Variants in KCNB2 observed in about 807,000 individuals in gnomAD.
KCNB2 encodes delayed rectifier potassium channel protein.
A neutral mutation model predicts 61.5 loss-of-function variants in KCNB2; 15 were observed. The ratio of observed to expected loss-of-function variants is 0.24; its 90% CI spans 0.16 to 0.38. The LOEUF (loss-of-function observed/expected upper bound fraction) is 0.38, where lower values mean the gene tolerates loss of function less well. KCNB2 is among the 10% of genes least tolerant of loss of function. KCNB2 has a pLI of 1.00. For synonymous variants in KCNB2, 457 were observed against 446.0 expected, an observed-to-expected ratio of 1.02 and a Z score of -0.31; for missense variants, 828 against 1,125.2, an observed-to-expected ratio of 0.74 and a Z score of 3.78.
chr8:72,893,635 CT>C (rs35594646), intron 2 of KCNB2, among the ~76,000 whole-genome samples: 2 of 152,246 alleles, frequency 1.3e-5, no homozygotes, highest in East Asian at 1.9e-4. Context: ...ATTATCCCAT[CT>C]TTTTTTGGCC....
chr8:72,561,743 ATATG>A (rs1167822134), intron 1 of KCNB2, among the ~76,000 whole-genome samples: 996 of 27,720 alleles, frequency 0.036, 112 homozygotes, highest in Non-Finnish European at 0.041. Flanking sequence ...ATCTATATAT[ATATG>A]TATATATATA....
At chr8:72,726,937 G>A (rs1482550942) in intron 2 of KCNB2, among the ~76,000 whole-genome samples, 3 of 152,138 alleles carry the variant, frequency 2.0e-5, no homozygotes, top group African/African-American at 7.2e-5. Flanking sequence ...TGTACTAAGA[G>A]ACAGAGTTCA....
intron 2 of KCNB2, among the ~76,000 whole-genome samples, chr8:72,642,316 C>T (rs1806067909): frequency 6.6e-6 from 1 of 152,028 alleles, no homozygotes; most frequent in Non-Finnish European, 1.5e-5. Context: ...TGTTATTACA[C>T]TTTATTTTAC....
At chr8:72,742,238 A>G (rs1807972133) in intron 2 of KCNB2, among the ~76,000 whole-genome samples, 1 of 152,186 alleles carries the variant, frequency 6.6e-6, no homozygotes, top group South Asian at 2.1e-4. Context: ...TTGATCTTTG[A>G]ATCCCATTCT....
At chr8:72,778,787 GAAAAGA>G (rs1164684481) in intron 2 of KCNB2, among the ~76,000 whole-genome samples, 8 of 66,966 alleles carry the variant, frequency 1.2e-4, no homozygotes, top group African/African-American at 2.9e-4. Flanking sequence ...AAAAAGAAAA[GAAAAGA>G]AAAAGAAAAA....
At chr8:72,869,564 A>G (rs1585944000) in intron 2 of KCNB2, among the ~76,000 whole-genome samples, 2 of 147,208 alleles carry the variant, frequency 1.4e-5, no homozygotes, top group South Asian at 4.3e-4. Flanking sequence ...AGTTCTCCAA[A>G]GAAGACACAC....
intron 2 of KCNB2, among the ~76,000 whole-genome samples, chr8:72,603,969 G>A (rs1009537105): frequency 3.3e-5 from 5 of 152,154 alleles, no homozygotes; most frequent in African/African-American, 9.6e-5. Context: ...TTTTCCCCCC[G>A]AGCTTTCAGA....
At chr8:72,833,595 T>C (rs1194232954) in intron 2 of KCNB2, among the ~76,000 whole-genome samples, 1 of 151,772 alleles carries the variant, frequency 6.6e-6, no homozygotes, top group Non-Finnish European at 1.5e-5. Flanking sequence ...GCCTAGGGGG[T>C]GAGGAATTCT....
intron 1 of KCNB2, among the ~76,000 whole-genome samples, chr8:72,567,020 A>T (rs1170353367): frequency 6.6e-6 from 1 of 152,034 alleles, no homozygotes; most frequent in Non-Finnish European, 1.5e-5. Context: ...TCTGTGGTTT[A>T]TCTAGAAGGA....
chr8:72,689,691 G>T (rs1806910662), intron 2 of KCNB2, among the ~76,000 whole-genome samples: 1 of 152,082 alleles, frequency 6.6e-6, no homozygotes, highest in African/African-American at 2.4e-5. Flanking sequence ...TTGGCATAAG[G>T]TTTTTGAGGT....
chr8:72,549,028 G>A lies in KCNB2; in HGVS notation c.-94+11143G>A, dbSNP rs57050664. ...CCTTATCCTCCCTGAAGAGTGGGCT[G>A]TTGCAGCTTCCTGAGGTCTTCTGTT... On this transcript the variant is annotated intron_variant, in intron 1 of 2. Coordinates refer to ENST00000523207, the MANE Select transcript of KCNB2 (RefSeq NM_004770.3). Among the ~76,000 whole-genome samples the A allele has an allele frequency of 2.8e-3, 429 of 152,334 alleles. 7 individuals carry two copies. Among genetic ancestry groups the A allele is most frequent in the African/African-American group, 9.8e-3 (406 of 41,578 alleles).
At chr8:72,588,186 C>G (rs1181723308) in intron 2 of KCNB2, among the ~76,000 whole-genome samples, 5 of 148,796 alleles carry the variant, frequency 3.4e-5, no homozygotes, top group African/African-American at 1.2e-4. Flanking sequence ...TTCTTCCAGT[C>G]TGAGGATTCT....
intron 1 of KCNB2, among the ~76,000 whole-genome samples, chr8:72,543,932 G>A (rs2128976609): frequency 6.6e-6 from 1 of 152,302 alleles, no homozygotes; most frequent in South Asian, 2.1e-4. Flanking sequence ...TTTTTAGTAT[G>A]AAGGTAAGTT....
At chr8:72,920,485 A>ATG (rs1806500858) in intron 2 of KCNB2, among the ~76,000 whole-genome samples, 1 of 134,418 alleles carries the variant, frequency 7.4e-6, no homozygotes, top group African/African-American at 2.8e-5. Flanking sequence ...ATATATATAT[A>ATG]TATTAGCTGG....
At chr8:72,634,971 T>G (rs1805941117) in intron 2 of KCNB2, among the ~76,000 whole-genome samples, 2 of 152,160 alleles carry the variant, frequency 1.3e-5, no homozygotes, top group Admixed American at 1.3e-4. Context: ...ATGCTAGCTT[T>G]TATCATATTG....
intron 2 of KCNB2, among the ~76,000 whole-genome samples, chr8:72,906,445 G>A (rs558812581): frequency 6.6e-6 from 1 of 152,198 alleles, no homozygotes; most frequent in Non-Finnish European, 1.5e-5. Context: ...TTTGAAAAAA[G>A]TATTTATTTC....
chr8:72,836,711 G>A (rs1289960317), intron 2 of KCNB2, among the ~76,000 whole-genome samples: 2 of 152,158 alleles, frequency 1.3e-5, no homozygotes, highest in African/African-American at 4.8e-5. Context: ...AGGAGTTCGA[G>A]ACCAGCCTCA....
intron 2 of KCNB2, among the ~76,000 whole-genome samples, chr8:72,891,721 A>G (rs891231847): frequency 3.3e-5 from 5 of 152,210 alleles, no homozygotes; most frequent in African/African-American, 1.2e-4. Flanking sequence ...CTGAGACTTA[A>G]CCAAAGCTGG....
intron 2 of KCNB2, among the ~76,000 whole-genome samples, chr8:72,806,132 G>A (rs1402651515): frequency 2.0e-5 from 3 of 151,990 alleles, no homozygotes; most frequent in African/African-American, 4.8e-5. Flanking sequence ...GGCCAAGGTG[G>A]GTGGATCACG....
Sources: gnomAD v4.1 joint callset for allele counts (sites outside exome capture counted in the v4.1 genomes callset) on GRCh38, gnomAD v4.1.1 for gene constraint, MANE v1.5 for transcripts, NCBI Gene and HGNC (gene_info 2026-07-23, HGNC 2026-07-21) for gene names.